The following OCLN variants were observed in gnomAD, a reference collection of about 807,000 sequenced individuals.
OCLN encodes phosphatase 1, regulatory subunit 115.
A neutral mutation model predicts 47.9 loss-of-function variants in OCLN; 21 were observed. The observed-to-expected ratio is 0.44, with a 90% confidence interval of 0.31 to 0.63. The LOEUF is 0.63. OCLN is among the 30% of genes least tolerant of loss of function. The pLI is 0.08. For synonymous variants in OCLN, 117 were observed against 198.4 expected, an observed-to-expected ratio of 0.59 and a Z score of 3.45; for missense variants, 360 against 571.0, an observed-to-expected ratio of 0.63 and a Z score of 3.77.
At position 69,509,733 on chromosome 5, in the gene OCLN, C is replaced by A. The variant is rs1768725072; in HGVS notation, c.643C>A (p.Leu215Ile). 1 of 1,613,966 alleles carries A rather than the reference C, an allele frequency of 6.2e-7. No homozygotes were observed. The highest frequency in any genetic ancestry group is 1.7e-5 in the Admixed American group (1 of 59,998). ...TCTATATGGTTCACAAATATATGCC[C>A]TCTGCAACCAATTTTATACACCTGC... The part of the protein sequence containing the change: ...GSLYGSQIYA[L>I]CNQFYTPAAT... Residue 215 changes from leucine to isoleucine, a missense_variant, in exon 3 of 9, where the codon CTC becomes ATC. Physicochemically the swap from Leu to Ile is conservative, Grantham distance 5. Around this residue, in one of 3 missense-constraint regions of OCLN, gnomAD observed 314 missense variants for 368.1 expected, o/e 0.85. Coordinates refer to ENST00000396442, the MANE Select transcript of OCLN (RefSeq NM_001205254.2).
chr5:69,526,242 C>T (rs1015032969), intron 4 of OCLN, among the ~76,000 whole-genome samples: 32 of 152,082 alleles, frequency 2.1e-4, no homozygotes, highest in African/African-American at 5.3e-4. Context: ...GACCATATTT[C>T]GAGAACCACT....
intron 4 of OCLN, 59 bp downstream of exon 4, chr5:69,514,168 T>C: frequency 7.1e-7 from 1 of 1,417,250 alleles, no homozygotes; most frequent in Non-Finnish European, 1.0e-6. Flanking sequence ...GTGTCTGAAT[T>C]TTTAGTGCTT....
chr5:69,507,427 C>T (rs1182536505), intron 2 of OCLN, among the ~76,000 whole-genome samples: 1 of 152,080 alleles, frequency 6.6e-6, no homozygotes, highest in African/African-American at 2.4e-5. Context: ...CCACATCTGG[C>T]CAGTTTTACC....
At chr5:69,514,948 T>A (rs1768887644) in intron 4 of OCLN, among the ~76,000 whole-genome samples, 1 of 152,210 alleles carries the variant, frequency 6.6e-6, no homozygotes, top group Non-Finnish European at 1.5e-5. Context: ...ATGGCAACCA[T>A]CCGATTTCTC....
At chr5:69,519,166 T>G (rs1295281000) in intron 4 of OCLN, among the ~76,000 whole-genome samples, 1 of 152,032 alleles carries the variant, frequency 6.6e-6, no homozygotes, top group African/African-American at 2.4e-5. Context: ...AGTACTACAG[T>G]AACAATTAGC....
chr5:69,514,960 A>G (rs1456463775), intron 4 of OCLN, among the ~76,000 whole-genome samples: 1 of 152,090 alleles, frequency 6.6e-6, no homozygotes, highest in Admixed American at 6.5e-5. Flanking sequence ...CGATTTCTCA[A>G]TCCTTTCCCC....
At chr5:69,508,592 T>A (rs1768675757) in intron 2 of OCLN, among the ~76,000 whole-genome samples, 1 of 152,062 alleles carries the variant, frequency 6.6e-6, no homozygotes, top group African/African-American at 2.4e-5. Flanking sequence ...CCACCCGCCT[T>A]GGCCTCCCAA....
chr5:69,513,905 C>G (rs781334886), intron 3 of OCLN, 43 bp from the exon 4 acceptor site: 3 of 1,505,124 alleles, frequency 2.0e-6, no homozygotes. Flanking sequence ...TGTGATTAAG[C>G]AATTAAAATC....
In OCLN at chr5:69,493,790, C is replaced by T. The variant is rs1768213060; in HGVS notation, c.-69+890C>T. 6.6e-6 allele frequency among the ~76,000 whole-genome samples: 1 copy of T among 152,322 alleles called. No homozygotes were observed. The highest frequency in any genetic ancestry group is 2.1e-4 in the South Asian group (1 of 4,828). ...CCGGCCCCGCGCGCCAGCCATGTTG[C>T]CTGCGTCGGAGGAAGCGTGCGGGGA... is the stretch of plus-strand genomic sequence containing the variant. On this transcript the variant is annotated intron_variant, in intron 1 of 8. Transcript: ENST00000396442. This position sits in a 1 kb window ranked among gnomAD's most constrained non-coding sequence, Gnocchi z 5.3.
intron 2 of OCLN, among the ~76,000 whole-genome samples, chr5:69,506,535 C>T (rs553186658): frequency 2.0e-5 from 3 of 152,278 alleles, no homozygotes; most frequent in African/African-American, 7.2e-5. Context: ...TTCAGCCCCT[C>T]TTTCCTGTCC....
chr5:69,504,416 A>G, intron 2 of OCLN, 122 bp downstream of exon 2: 1 of 721,168 alleles, frequency 1.4e-6, no homozygotes, highest in South Asian at 1.5e-5. Context: ...TTGTAAATTT[A>G]AATTGTATCA....
chr5:69,512,146 T>C (rs2111984797), intron 3 of OCLN, among the ~76,000 whole-genome samples: 1 of 152,342 alleles, frequency 6.6e-6, no homozygotes, highest in Middle Eastern at 3.4e-3. Context: ...TCACAAGGAT[T>C]TACTCCTATG....
Position 69,528,116 on chromosome 5 carries a change from A to G in OCLN, c.892-6578A>G, listed in dbSNP as rs557831020. Among the ~76,000 whole-genome samples, 3 of 152,324 alleles carry G rather than the reference A, an allele frequency of 2.0e-5. No individual in the cohort carries two copies. In the East Asian group the frequency reaches 5.8e-4, roughly 29 times the overall value. ...AGTGACCAAAGGTGGAGAAAAGTCT[A>G]AGAGAACTTTCCAGTCGATTTTGAA... On this transcript the variant is annotated intron_variant, in intron 4 of 8. Coordinates refer to ENST00000396442, the MANE Select transcript of OCLN (RefSeq NM_001205254.2).
chr5:69,529,944 T>C (rs1580580579), intron 4 of OCLN, among the ~76,000 whole-genome samples: 1 of 152,326 alleles, frequency 6.6e-6, no homozygotes, highest in East Asian at 1.9e-4. Flanking sequence ...TGCTTTCTTC[T>C]GTCCTTAATT....
chr5:69,511,771 T>C (rs1768794796), intron 3 of OCLN, among the ~76,000 whole-genome samples: 1 of 151,886 alleles, frequency 6.6e-6, no homozygotes, highest in South Asian at 2.1e-4. Flanking sequence ...ACGCCTGTAA[T>C]CCCAGCACTT....
intron 1 of OCLN, among the ~76,000 whole-genome samples, chr5:69,499,729 C>T (rs1029243888): frequency 3.9e-5 from 6 of 152,196 alleles, no homozygotes; most frequent in African/African-American, 9.6e-5. Flanking sequence ...GGGCTACAGG[C>T]GCGCGCCACC....
chr5:69,494,613 G>T (rs28652974), intron 1 of OCLN, among the ~76,000 whole-genome samples: 14,137 of 152,168 alleles, frequency 0.093, 1,955 homozygotes, highest in African/African-American at 0.3. Context: ...GTTATTAGGG[G>T]CCTCCTTTGT....
rs1056288251 is a variant in OCLN at position 69,533,110 on chromosome 5, T to C, written c.892-1584T>C. 4.1e-5 allele frequency among the ~76,000 whole-genome samples: 6 copies of C among 144,800 alleles called. No homozygotes were observed. In the South Asian group the frequency reaches 6.4e-4, roughly 15 times the overall value. 95.0% of individuals were successfully genotyped at this position (144,800 alleles called of 152,430 possible). ...ATATACACACACACACACACACACA[T>C]ATATATATACACACACACACACACA... On this transcript the variant is annotated intron_variant, in intron 4 of 8. Coordinates refer to ENST00000396442, the MANE Select transcript of OCLN (RefSeq NM_001205254.2).
chr5:69,527,048 C>T (rs570457067), intron 4 of OCLN, among the ~76,000 whole-genome samples: 1 of 152,176 alleles, frequency 6.6e-6, no homozygotes, highest in East Asian at 1.9e-4. Flanking sequence ...GAGGCCGAGG[C>T]GGGCGGATCA....
Sources: gnomAD v4.1 joint callset for allele counts (sites outside exome capture counted in the v4.1 genomes callset) on GRCh38, gnomAD v4.1.1 for gene constraint, gnomAD v4.1.1 regional missense constraint, Gnocchi (gnomAD v3.1) non-coding constraint, MANE v1.5 for transcripts, NCBI Gene and HGNC (gene_info 2026-07-23, HGNC 2026-07-21) for gene names.